HYCC1: variants seen among roughly 807,000 people sequenced by gnomAD.
The protein encoded by HYCC1 is hyccin PI4KA lipid kinase complex subunit 1.
the HYCC1 span, among the ~76,000 whole-genome samples, chr7:22,922,078 A>C: frequency 1.3e-5 from 2 of 152,102 alleles, no homozygotes; most frequent in African/African-American, 2.4e-5. Flanking sequence ...GGAACAAAAA[A>C]CACATGAGAC....
chr7:22,951,827 C>T, the HYCC1 span, among the ~76,000 whole-genome samples: 1 of 151,682 alleles, frequency 6.6e-6, no homozygotes, highest in Non-Finnish European at 1.5e-5. Flanking sequence ...ACAATATTAA[C>T]TAAACAAAAA....
chr7:22,943,587 A>G, the HYCC1 span: 5 of 152,594 alleles, frequency 3.3e-5, no homozygotes, highest in East Asian at 9.6e-4. Context: ...CATTTCCCCA[A>G]ACTTATTCTA....
chr7:22,995,997 T>C, the HYCC1 span, among the ~76,000 whole-genome samples: 1 of 152,042 alleles, frequency 6.6e-6, no homozygotes, highest in African/African-American at 2.4e-5. Context: ...AAGAATATCT[T>C]TAGAAGAGAA....
the HYCC1 span, among the ~76,000 whole-genome samples, chr7:22,983,086 TG>T: frequency 1.3e-5 from 2 of 152,048 alleles, no homozygotes; most frequent in Admixed American, 1.3e-4. Context: ...CCCAGCACTT[TG>T]GGAGGCTGAG....
At chr7:22,918,248 T>A in the HYCC1 span, among the ~76,000 whole-genome samples, 1 of 152,180 alleles carries the variant, frequency 6.6e-6, no homozygotes, top group African/African-American at 2.4e-5. Context: ...TCTCCTTCTT[T>A]TATTTGGACC....
the HYCC1 span, among the ~76,000 whole-genome samples, chr7:22,901,552 C>G: frequency 6.6e-6 from 1 of 151,966 alleles, no homozygotes; most frequent in Non-Finnish European, 1.5e-5. Flanking sequence ...TGTGTTTCCA[C>G]AAAATTCATT....
the HYCC1 span, chr7:22,937,177 G>C: frequency 4.6e-5 from 7 of 152,266 alleles, no homozygotes; most frequent in African/African-American, 1.7e-4. Flanking sequence ...AGGCAACATA[G>C]AAGTAGAAAT....
chr7:22,958,013 T>C, the HYCC1 span, among the ~76,000 whole-genome samples: 4 of 151,520 alleles, frequency 2.6e-5, no homozygotes, highest in African/African-American at 9.7e-5. Context: ...ATTTGTAATT[T>C]ATATATAAAC....
chr7:22,920,122 G>T, the HYCC1 span, among the ~76,000 whole-genome samples: 2 of 152,262 alleles, frequency 1.3e-5, no homozygotes, highest in Non-Finnish European at 2.9e-5. Context: ...GAACCCAGGA[G>T]TTTGACAGTA....
At chr7:22,969,613 T>C in the HYCC1 span, among the ~76,000 whole-genome samples, 1 of 150,818 alleles carries the variant, frequency 6.6e-6, no homozygotes, top group Non-Finnish European at 1.5e-5. Context: ...AACCTCCACA[T>C]CCCGGGTTCA....
chr7:22,939,307 A>T, the HYCC1 span: 1 of 151,796 alleles, frequency 6.6e-6, no homozygotes, highest in Non-Finnish European at 1.5e-5. Context: ...AGGGTATGAG[A>T]TACACTTTAA....
the HYCC1 span, among the ~76,000 whole-genome samples, chr7:22,971,887 A>G: frequency 6.6e-6 from 1 of 152,164 alleles, no homozygotes; most frequent in African/African-American, 2.4e-5. Context: ...CACAAAAATC[A>G]TGCTCACGTA....
the HYCC1 span, chr7:22,947,153 A>G: frequency 1.9e-6 from 3 of 1,550,260 alleles, no homozygotes; most frequent in Middle Eastern, 1.7e-4. Flanking sequence ...CTTTTTCCCC[A>G]TTCCCGGTTC....
the HYCC1 span, among the ~76,000 whole-genome samples, chr7:22,915,792 A>G: frequency 9.9e-5 from 15 of 151,608 alleles, no homozygotes; most frequent in Non-Finnish European, 1.9e-4. Flanking sequence ...AAACTCCCCA[A>G]CTCTGGTGCC....
chr7:22,948,219 C>T, the HYCC1 span, among the ~76,000 whole-genome samples: 4 of 152,014 alleles, frequency 2.6e-5, no homozygotes, highest in African/African-American at 9.7e-5. Flanking sequence ...CTATGTAAAA[C>T]AGCATATACT....
At chr7:22,956,266 C>T in the HYCC1 span, among the ~76,000 whole-genome samples, 5 of 151,788 alleles carry the variant, frequency 3.3e-5, no homozygotes, top group South Asian at 6.2e-4. Context: ...AAACACAATA[C>T]GCATAAAAGA....
At chr7:22,918,580 C>G in the HYCC1 span, among the ~76,000 whole-genome samples, 1 of 152,106 alleles carries the variant, frequency 6.6e-6, no homozygotes, top group African/African-American at 2.4e-5. Flanking sequence ...CAAGCCTGCA[C>G]GTATACATCC....
the HYCC1 span, among the ~76,000 whole-genome samples, chr7:23,011,785 C>T: frequency 5.9e-5 from 9 of 152,278 alleles, no homozygotes; most frequent in Admixed American, 2.0e-4. Context: ...GTTTCTCAGG[C>T]CTCCTTGCCT....
the HYCC1 span, among the ~76,000 whole-genome samples, chr7:22,992,554 G>A: frequency 6.6e-6 from 1 of 152,046 alleles, no homozygotes; most frequent in East Asian, 1.9e-4. Flanking sequence ...TTCAGTACTA[G>A]GAAAATCTCT....
Sources: allele counts gnomAD v4.1 joint callset (sites outside exome capture counted in the v4.1 genomes callset), GRCh38; gene constraint gnomAD v4.1.1; transcripts MANE v1.5; gene names NCBI Gene and HGNC (gene_info 2026-07-23, HGNC 2026-07-21).